CDH12: variants seen among roughly 807,000 people sequenced by gnomAD.
CDH12 encodes cadherin-12.
A neutral mutation model predicts 74.1 loss-of-function variants in CDH12; 41 were observed. That is an observed-to-expected ratio of 0.55 (90% confidence interval 0.43 to 0.72). The LOEUF (loss-of-function observed/expected upper bound fraction) is 0.72, where lower values mean the gene tolerates loss of function less well. Among genes scored for constraint, CDH12 ranks in the 30% least tolerant of loss-of-function variants. The pLI is 0.00. For missense variants in CDH12, 945 were observed against 977.2 expected (o/e 0.97, Z 0.44); for synonymous variants, 399 against 355.0 (o/e 1.12, Z -1.39).
At chr5:21,881,689 C>T (rs1752363318) in intron 6 of CDH12, among the ~76,000 whole-genome samples, 3 of 152,024 alleles carry the variant, frequency 2.0e-5, no homozygotes. Flanking sequence ...AACTTCGTAT[C>T]ATTTTTATAT....
At chr5:21,868,134 G>A (rs1751429574) in intron 6 of CDH12, among the ~76,000 whole-genome samples, 1 of 151,692 alleles carries the variant, frequency 6.6e-6, no homozygotes, top group Non-Finnish European at 1.5e-5. Context: ...CCAGCCATGT[G>A]GAACTGTGAG....
chr5:22,843,905 G>A (rs573922934), intron 1 of CDH12, among the ~76,000 whole-genome samples: 3 of 151,996 alleles, frequency 2.0e-5, no homozygotes, highest in Non-Finnish European at 4.4e-5. Context: ...AAGTTAATGA[G>A]TACATTCAAT....
chr5:21,817,702 T>G (rs1748138499), intron 8 of CDH12, among the ~76,000 whole-genome samples: 2 of 151,994 alleles, frequency 1.3e-5, no homozygotes, highest in South Asian at 4.1e-4. Context: ...ATATAGTATA[T>G]TATAGACTAA....
At chr5:22,590,772 C>T (rs1018126083) in intron 1 of CDH12, among the ~76,000 whole-genome samples, 3 of 152,144 alleles carry the variant, frequency 2.0e-5, no homozygotes, top group African/African-American at 7.2e-5. Context: ...CCGAGTATTA[C>T]ACCCCAGTCA....
At chr5:21,852,863 C>G (rs1437466363) in intron 7 of CDH12, among the ~76,000 whole-genome samples, 1 of 151,376 alleles carries the variant, frequency 6.6e-6, no homozygotes, top group African/African-American at 2.4e-5. Flanking sequence ...GTCCATACTT[C>G]CATTTCTGGT....
chr5:22,728,257 G>C (rs1264851947), intron 1 of CDH12, among the ~76,000 whole-genome samples: 1 of 151,338 alleles, frequency 6.6e-6, no homozygotes, highest in Non-Finnish European at 1.5e-5. Context: ...TTTGAATTCT[G>C]ACATGTAACT....
In CDH12 at chr5:22,134,736, C is replaced by T. The variant is rs1746359076; in HGVS notation, c.-186-55874G>A. ...ACAGTAATTTTGTATATATTGAGCT[C>T]CTAAAGCTATGGATGCTTTATAAAG... On this transcript the variant is annotated intron_variant, in intron 4 of 14. Transcript: ENST00000382254. 3.4e-5 allele frequency among the ~76,000 whole-genome samples: 5 copies of T among 145,512 alleles called. No homozygotes were observed. The South Asian group carries it at 9.2e-4, about 27-fold the overall frequency.
chr5:22,737,314 C>T (rs2127012217), intron 1 of CDH12, among the ~76,000 whole-genome samples: 1 of 151,778 alleles, frequency 6.6e-6, no homozygotes, highest in East Asian at 1.9e-4. Context: ...ATAGTCTGAT[C>T]CCTACCTGAT....
At chr5:22,165,295 T>C (rs1020961446) in intron 4 of CDH12, among the ~76,000 whole-genome samples, 18 of 152,202 alleles carry the variant, frequency 1.2e-4, no homozygotes, top group Admixed American at 1.1e-3. Flanking sequence ...ACTTTCTCCA[T>C]GACAGACACA....
intron 4 of CDH12, among the ~76,000 whole-genome samples, chr5:22,211,724 C>T (rs992425298): frequency 6.6e-6 from 1 of 151,692 alleles, no homozygotes; most frequent in African/African-American, 2.4e-5. Flanking sequence ...GTAAGCTTCA[C>T]TTCAATTCAT....
intron 6 of CDH12, among the ~76,000 whole-genome samples, chr5:21,948,499 A>G (rs1356950127): frequency 6.6e-6 from 1 of 152,184 alleles, no homozygotes; most frequent in Admixed American, 6.5e-5. Flanking sequence ...CATTTATCCA[A>G]TTCCTGTACC....
At chr5:21,946,002 A>G (rs1329647376) in intron 6 of CDH12, among the ~76,000 whole-genome samples, 2 of 151,970 alleles carry the variant, frequency 1.3e-5, no homozygotes, top group African/African-American at 4.8e-5. Flanking sequence ...AAAATTAAAA[A>G]TCTTGAAAGC....
intron 1 of CDH12, among the ~76,000 whole-genome samples, chr5:22,736,134 G>A (rs1744708082): frequency 6.6e-6 from 1 of 151,762 alleles, no homozygotes; most frequent in South Asian, 2.1e-4. Context: ...CATCGTTATA[G>A]AGATTTAAAA....
chr5:22,085,145 T>C (rs2150231926), intron 4 of CDH12, among the ~76,000 whole-genome samples: 1 of 151,588 alleles, frequency 6.6e-6, no homozygotes, highest in East Asian at 1.9e-4. Context: ...GATGACTCTC[T>C]GGAGCCCAAC....
intron 3 of CDH12, among the ~76,000 whole-genome samples, chr5:22,391,461 T>C (rs1742244380): frequency 2.6e-5 from 4 of 152,228 alleles, no homozygotes; most frequent in South Asian, 4.1e-4. Flanking sequence ...TTTTTAATGT[T>C]GAGGCCATAT....
intron 2 of CDH12, among the ~76,000 whole-genome samples, chr5:22,438,425 A>G (rs1452940203): frequency 6.6e-6 from 1 of 152,064 alleles, no homozygotes; most frequent in Non-Finnish European, 1.5e-5. Flanking sequence ...CACAGAAGTG[A>G]TGAGACTATT....
At chr5:22,462,012 C>A (rs569142234) in intron 2 of CDH12, among the ~76,000 whole-genome samples, 1 of 152,096 alleles carries the variant, frequency 6.6e-6, no homozygotes, top group South Asian at 2.1e-4. Flanking sequence ...GCAAAGTACC[C>A]TTTAAAACAA....
At chr5:22,117,868 G>A (rs955183932) in intron 4 of CDH12, among the ~76,000 whole-genome samples, 2 of 151,662 alleles carry the variant, frequency 1.3e-5, no homozygotes, top group Non-Finnish European at 2.9e-5. Context: ...GTTTCCTTTA[G>A]AGTAGACTTA....
At chr5:22,027,997 A>G (rs1469300501) in intron 5 of CDH12, among the ~76,000 whole-genome samples, 1 of 151,848 alleles carries the variant, frequency 6.6e-6, no homozygotes, top group African/African-American at 2.4e-5. Context: ...TGTGTCCCAG[A>G]GATTCTGGTA....
Sources: gnomAD v4.1 joint callset for allele counts (sites outside exome capture counted in the v4.1 genomes callset) on GRCh38, gnomAD v4.1.1 for gene constraint, MANE v1.5 for transcripts, NCBI Gene and HGNC (gene_info 2026-07-23, HGNC 2026-07-21) for gene names.